Variants in NARS2 observed in about 807,000 individuals in gnomAD.
The protein encoded by NARS2 is asparaginyl-tRNA synthetase.
A neutral mutation model predicts 62.9 loss-of-function variants in NARS2; 60 were observed. That is an observed-to-expected ratio of 0.95 (90% CI 0.77 to 1.18). NARS2 has a LOEUF of 1.18. Ranked by LOEUF, NARS2 falls within the 50% of genes most tolerant of loss-of-function variation. The pLI, the probability that NARS2 is intolerant of heterozygous loss-of-function variation, is 0.00. For missense variants in NARS2, 619 were observed against 576.4 expected, an observed-to-expected ratio of 1.07 and a Z score of -0.76; for synonymous variants, 196 against 200.0, an observed-to-expected ratio of 0.98 and a Z score of 0.17.
At chr11:78,573,894 A>G (rs772432610) in intron 1 of NARS2, among the ~76,000 whole-genome samples, 7 of 152,054 alleles carry the variant, frequency 4.6e-5, no homozygotes, top group Non-Finnish European at 1.0e-4. Context: ...TTACATGCAG[A>G]CCCCCACAAT....
At chr11:78,514,795 T>C (rs1472213304) in intron 6 of NARS2, among the ~76,000 whole-genome samples, 4 of 152,138 alleles carry the variant, frequency 2.6e-5, no homozygotes. Flanking sequence ...AAGCAGACAC[T>C]GCAGAGTTAG....
In NARS2 at chr11:78,466,001, G is replaced by C. The variant is rs979562397; in HGVS notation, c.1039C>G (p.Leu347Val). Residue 347 changes from leucine to valine, a missense_variant, in exon 11 of 14, where the codon CTA (leucine) becomes GTA (valine). By Grantham distance (32) the Leu-to-Val change is conservative. Transcript: ENST00000281038. ...FTFTPEWGAD[L>V]RTEHEKYLVK... ...AGGTACTTTTCATGTTCAGTCCGTAGGTCAGCACCCCACTGTAATGAGAAG... is the reference window on the plus strand; with the variant it reads ...AGGTACTTTTCATGTTCAGTCCGTACGTCAGCACCCCACTGTAATGAGAAG... The C allele has an allele frequency of 1.2e-6, 2 of 1,607,076 alleles. No homozygotes were observed. The highest frequency in any genetic ancestry group is 1.7e-4 in the Middle Eastern group (1 of 6,044).
chr11:78,518,937 C>T (rs2135405587), intron 6 of NARS2, among the ~76,000 whole-genome samples: 1 of 152,290 alleles, frequency 6.6e-6, no homozygotes, highest in East Asian at 1.9e-4. Context: ...TCAGTTGAGC[C>T]TTTAGGAATG....
intron 13 of NARS2, among the ~76,000 whole-genome samples, chr11:78,437,688 G>GT (rs1338129547): frequency 6.6e-6 from 1 of 152,008 alleles, no homozygotes; most frequent in African/African-American, 2.4e-5. Flanking sequence ...ATTAAAACAA[G>GT]TTTATCGGCC....
chr11:78,507,312 A>G (rs1037564319), intron 6 of NARS2, among the ~76,000 whole-genome samples: 1 of 152,138 alleles, frequency 6.6e-6, no homozygotes, highest in Non-Finnish European at 1.5e-5. Flanking sequence ...GCACCTGCCT[A>G]GGGAAAGAAT....
intron 11 of NARS2, among the ~76,000 whole-genome samples, chr11:78,456,887 G>C (rs890538943): frequency 6.6e-6 from 1 of 152,216 alleles, no homozygotes; most frequent in Non-Finnish European, 1.5e-5. Context: ...ATTTTCCCAT[G>C]ATCTGTCCCT....
At chr11:78,442,831 A>G (rs548505000) in intron 12 of NARS2, among the ~76,000 whole-genome samples, 3 of 152,348 alleles carry the variant, frequency 2.0e-5, no homozygotes, top group African/African-American at 2.4e-5. Context: ...AAGTTAGAAT[A>G]AAGTTATTCA....
intron 9 of NARS2, among the ~76,000 whole-genome samples, chr11:78,477,962 C>T (rs922271847): frequency 6.6e-6 from 1 of 152,160 alleles, no homozygotes; most frequent in Non-Finnish European, 1.5e-5. Context: ...CGTGGTTGGT[C>T]GTGTTTCTCT....
At chr11:78,562,879 A>T (rs1856601493) in intron 4 of NARS2, among the ~76,000 whole-genome samples, 1 of 152,226 alleles carries the variant, frequency 6.6e-6, no homozygotes, top group African/African-American at 2.4e-5. Context: ...TATTTTAATT[A>T]ACAAAACTGA....
chr11:78,463,101 G>A (rs201113620), intron 11 of NARS2, among the ~76,000 whole-genome samples: 1 of 152,096 alleles, frequency 6.6e-6, no homozygotes, highest in Non-Finnish European at 1.5e-5. Context: ...GGCTCCCTCT[G>A]TCGCCCAGGC....
intron 5 of NARS2, 42 bp downstream of exon 5, chr11:78,559,497 T>C (rs1856483611): frequency 2.4e-6 from 3 of 1,257,302 alleles, no homozygotes; most frequent in Admixed American, 1.7e-5. Context: ...ATGAAAAATA[T>C]TAAACAGCAA....
At chr11:78,460,536 G>T (rs1263051259) in intron 11 of NARS2, among the ~76,000 whole-genome samples, 1 of 152,164 alleles carries the variant, frequency 6.6e-6, no homozygotes, top group African/African-American at 2.4e-5. Context: ...AGGTAAAAGA[G>T]GAAATGAAGA....
At position 78,467,909 on chromosome 11, in the gene NARS2, C is replaced by T. The variant is rs546385622; in HGVS notation, c.1026+1338G>A. 2.6e-5 allele frequency among the ~76,000 whole-genome samples: 4 copies of T among 151,946 alleles called. No individual in the cohort carries two copies. In the South Asian group the frequency reaches 6.2e-4, roughly 24 times the overall value. On this transcript the variant is annotated intron_variant, in intron 10 of 13. Transcript: ENST00000281038. ...GTCACCTAGGCTGGAGGGCTGTAGT[C>T]GATCATGGCTCACTGCAATTTTAAA...
intron 11 of NARS2, 177 bp from the exon 12 acceptor site, chr11:78,443,935 G>A: frequency 2.1e-6 from 1 of 479,134 alleles, no homozygotes; most frequent in Non-Finnish European, 3.8e-6. Context: ...CATTTGTGTA[G>A]TATACTGAAC....
intron 8 of NARS2, 43 bp from the exon 9 acceptor site, chr11:78,478,518 TATTC>T (rs1181119002): frequency 2.4e-6 from 3 of 1,244,276 alleles, no homozygotes; most frequent in South Asian, 1.6e-5. Flanking sequence ...AATATAATTT[TATTC>T]ATTATGTATA....
At position 78,574,827 on chromosome 11, in the gene NARS2, A is replaced by G. The variant is rs564400024; in HGVS notation, c.-339T>C. 6 of 276,604 alleles carry G rather than the reference A, an allele frequency of 2.2e-5. No individual in the cohort carries two copies. Among genetic ancestry groups the G allele is most frequent in the African/African-American group, 4.5e-5 (2 of 44,846 alleles). 17.1% of individuals were successfully genotyped at this position (276,604 alleles called of 1,614,324 possible). On this transcript the variant is annotated 5_prime_UTR_variant, in exon 1 of 14. Transcript: ENST00000281038. Reference sequence around the variant, plus strand: ...GGCCGCAACACGCGCAACCACTCCTACCACACCACGCCAACGCCGCTTACG... The same window carrying G: ...GGCCGCAACACGCGCAACCACTCCTGCCACACCACGCCAACGCCGCTTACG...
intron 11 of NARS2, among the ~76,000 whole-genome samples, chr11:78,446,937 C>A (rs10899504): frequency 0.23 from 34,137 of 151,416 alleles, 4,176 homozygotes; most frequent in East Asian, 0.41. Context: ...TATTTGCAAA[C>A]CATACATCTT....
In NARS2 at chr11:78,445,653, T is replaced by A. The variant is rs748139040; in HGVS notation, c.1165-1895A>T. 1.6e-4 allele frequency among the ~76,000 whole-genome samples: 25 copies of A among 152,138 alleles called. 1 individual carries two copies. The highest frequency in any genetic ancestry group is 2.2e-4 in the Non-Finnish European group (15 of 68,026). On this transcript the variant is annotated intron_variant, in intron 11 of 13. Coordinates refer to ENST00000281038, the MANE Select transcript of NARS2 (RefSeq NM_024678.6). ...AAAAAACAATTAAAAAAATTTTTTTTAAATGTTTATTTGTGGCTGGGCACA... is the reference window on the plus strand; with the variant it reads ...AAAAAACAATTAAAAAAATTTTTTTAAAATGTTTATTTGTGGCTGGGCACA...
At chr11:78,466,298 C>T (rs1591157884) in intron 10 of NARS2, among the ~76,000 whole-genome samples, 1 of 142,670 alleles carries the variant, frequency 7.0e-6, no homozygotes. Context: ...GACAATACAG[C>T]ACCTGCAGGA....
Sources: gnomAD v4.1 joint callset for allele counts (sites outside exome capture counted in the v4.1 genomes callset) on GRCh38, gnomAD v4.1.1 for gene constraint, MANE v1.5 for transcripts, NCBI Gene and HGNC (gene_info 2026-07-23, HGNC 2026-07-21) for gene names.